The following GBF1 variants were observed in gnomAD, a reference collection of about 807,000 sequenced individuals.
The protein encoded by GBF1 is golgi brefeldin A resistant guanine nucleotide exchange factor 1, also known as Golgi-specific brefeldin A-resistance guanine nucleotide exchange factor 1.
A neutral mutation model predicts 210.5 loss-of-function variants in GBF1; 114 were observed. The ratio of observed to expected loss-of-function variants is 0.54; its 90% CI spans 0.47 to 0.63. GBF1 has a LOEUF of 0.63. Among genes scored for constraint, GBF1 ranks in the 30% least tolerant of loss-of-function variants. GBF1 has a pLI of 0.00. For synonymous variants in GBF1, 850 were observed against 889.2 expected (o/e 0.96, Z 0.78); for missense variants, 1,851 against 2,357.7 (o/e 0.79, Z 4.45).
intron 3 of GBF1, among the ~76,000 whole-genome samples, chr10:102,269,960 G>A (rs1040100904): frequency 1.3e-5 from 2 of 151,260 alleles, no homozygotes; most frequent in Non-Finnish European, 2.9e-5. Flanking sequence ...CTCACTGCCA[G>A]CTCTGCCTTC....
At chr10:102,349,171 A>T (rs2134716760) in intron 4 of GBF1, among the ~76,000 whole-genome samples, 1 of 152,180 alleles carries the variant, frequency 6.6e-6, no homozygotes. Flanking sequence ...AAAAGAAAAA[A>T]AAAAGTTTAG....
chr10:102,245,363 C>A (rs888210460), upstream of GBF1, among the ~76,000 whole-genome samples: 11 of 152,206 alleles, frequency 7.2e-5, no homozygotes, highest in Non-Finnish European at 1.5e-4. Context: ...CCCTAACATA[C>A]CCTTTCTTTC....
upstream of GBF1, among the ~76,000 whole-genome samples, chr10:102,243,872 G>A (rs987939102): frequency 3.3e-5 from 5 of 152,162 alleles, no homozygotes; most frequent in African/African-American, 1.2e-4. Flanking sequence ...GCTCACACCT[G>A]TAATCTCAAC....
intron 3 of GBF1, among the ~76,000 whole-genome samples, chr10:102,331,969 T>C (rs1589666083): frequency 6.6e-6 from 1 of 151,434 alleles, no homozygotes; most frequent in Non-Finnish European, 1.5e-5. Flanking sequence ...AAGCGATTCT[T>C]CTGCCTCAGC....
At chr10:102,309,026 A>T (rs1486221367) in intron 3 of GBF1, among the ~76,000 whole-genome samples, 1 of 152,216 alleles carries the variant, frequency 6.6e-6, no homozygotes, top group Non-Finnish European at 1.5e-5. Flanking sequence ...AGAAGTCATG[A>T]TTGGGATTTC....
At position 102,366,476 on chromosome 10, in the gene GBF1, G is replaced by C; in HGVS notation, c.2403G>C (p.Arg801Ser). 2.5e-6 allele frequency: 4 copies of C among 1,614,034 alleles called. No individual in the cohort carries two copies. The change falls in exon 19 of 40, where the codon AGG becomes AGC. Residue 801 changes from arginine (R) to serine (S), a missense_variant. Physicochemically the swap from Arg to Ser is moderately radical, Grantham distance 110. Coordinates refer to ENST00000369983, the MANE Select transcript of GBF1 (RefSeq NM_001377137.1). This position sits in a 1 kb window ranked among gnomAD's most constrained non-coding sequence, Gnocchi z 4.0. ...CTGGGGAAGCACCAGTCATCCAGAG[G>C]TTGCTGGAGGCATTCACAGAGCGTT... ...RLPGEAPVIQ[R>S]LLEAFTERWM...
chr10:102,380,614 A>ATCACCTGGGAACGCATTGACTGTTT lies in GBF1; in HGVS notation c.5104_5128dup (p.Leu1710HisfsTer6). 6.2e-7 allele frequency: 1 copy of ATCACCTGGGAACGCATTGACTGTTT among 1,614,044 alleles called. No individual in the cohort carries two copies. Among genetic ancestry groups the ATCACCTGGGAACGCATTGACTGTTT allele is most frequent in the Non-Finnish European group, 8.5e-7 (1 of 1,179,976 alleles). On this transcript the variant is annotated frameshift_variant, in exon 38 of 40. Transcript: ENST00000369983. LOFTEE classifies it high-confidence loss of function. ...AGGCGGCCCCTCGGCCCTCTGGGAG[A>ATCACCTGGGAACGCATTGACTGTTT]TCACCTGGGAACGCATTGACTGTTT...
intron 32 of GBF1, 32 bp from the exon 33 acceptor site, chr10:102,376,903 C>A (rs367736277): frequency 1.2e-6 from 2 of 1,609,768 alleles, no homozygotes; most frequent in Non-Finnish European, 1.7e-6. Context: ...TATATAGACA[C>A]AGAAATGTGA....
intron 3 of GBF1, among the ~76,000 whole-genome samples, chr10:102,339,657 C>G (rs928271150): frequency 2.0e-5 from 3 of 151,282 alleles, no homozygotes; most frequent in Non-Finnish European, 4.4e-5. Context: ...CAGAGCAAGA[C>G]TCCGTCTCAA....
intron 3 of GBF1, among the ~76,000 whole-genome samples, chr10:102,332,248 A>G (rs2057389598): frequency 6.6e-6 from 1 of 152,196 alleles, no homozygotes; most frequent in South Asian, 2.1e-4. Context: ...TATTTAGGGA[A>G]TAATGACAAG....
At chr10:102,336,308 A>G (rs955782442) in intron 3 of GBF1, among the ~76,000 whole-genome samples, 1 of 146,740 alleles carries the variant, frequency 6.8e-6, no homozygotes, top group Non-Finnish European at 1.5e-5. Flanking sequence ...TCAAAAAAAA[A>G]AAAAAAGAAA....
rs1450520107 is a variant in GBF1, at chr10:102,260,037, A to C, written c.97-13A>C. The C allele has an allele frequency of 2.0e-6, 3 of 1,513,758 alleles. No individual in the cohort carries two copies. Among genetic ancestry groups the C allele is most frequent in the Non-Finnish European group, 1.8e-6 (2 of 1,090,798 alleles). The allele number at this position is 1,513,758 out of a possible 1,614,324, so 93.8% of individuals were successfully genotyped here. A position where few individuals can be genotyped will look rare whatever the true frequency, so the allele number is the denominator to read the frequency against. ...GCCCAATAATGACTTACTTTAATCT[A>C]TGTGTTCTACAGGATGAAGAACGGG... On this transcript the variant is annotated splice_polypyrimidine_tract_variant and intron_variant, in intron 2 of 39. Coordinates refer to ENST00000369983, the MANE Select transcript of GBF1 (RefSeq NM_001377137.1).
intron 1 of GBF1, among the ~76,000 whole-genome samples, chr10:102,252,950 A>C (rs1167583149): frequency 6.6e-6 from 1 of 152,006 alleles, no homozygotes; most frequent in Non-Finnish European, 1.5e-5. Context: ...GCTGGAGACC[A>C]GTGATGCAAT....
At chr10:102,266,658 G>A (rs767125484) in intron 3 of GBF1, among the ~76,000 whole-genome samples, 1 of 152,160 alleles carries the variant, frequency 6.6e-6, no homozygotes, top group Non-Finnish European at 1.5e-5. Flanking sequence ...ACAAGCCAAA[G>A]AAATAAGTAA....
At chr10:102,370,997 G>T in intron 29 of GBF1, 137 bp downstream of exon 29, 1 of 835,902 alleles carries the variant, frequency 1.2e-6, no homozygotes, top group Non-Finnish European at 1.9e-6. Context: ...CACAGGGCTG[G>T]TGCAGTCTAG....
At chr10:102,342,393 A>G (rs963204178) in intron 3 of GBF1, among the ~76,000 whole-genome samples, 2 of 151,430 alleles carry the variant, frequency 1.3e-5, no homozygotes, top group African/African-American at 4.9e-5. Flanking sequence ...ACACACGCAC[A>G]CACACACACA....
chr10:102,337,586 T>A (rs2057853993), intron 3 of GBF1, among the ~76,000 whole-genome samples: 2 of 152,110 alleles, frequency 1.3e-5, no homozygotes, highest in African/African-American at 4.8e-5. Flanking sequence ...ACGTGGAGAC[T>A]CACGCCTGTA....
intron 3 of GBF1, among the ~76,000 whole-genome samples, chr10:102,276,679 C>T (rs932601049): frequency 2.0e-5 from 3 of 151,906 alleles, no homozygotes; most frequent in Non-Finnish European, 2.9e-5. Context: ...GCTCAATAGT[C>T]AACAAAATGG....
At position 102,344,171 on chromosome 10, in the gene GBF1, A is replaced by G. The variant is rs781367144; in HGVS notation, c.284A>G (p.Tyr95Cys). Residue 95 changes from tyrosine (Y) to cysteine (C), a missense_variant, in exon 4 of 40, where the codon TAT (tyrosine) becomes TGT (cysteine). Tyr to Cys is a radical substitution (Grantham distance 194). This residue lies in a region of GBF1 where 804 missense variants were observed against 958.6 expected (regional missense o/e 0.84). Coordinates refer to ENST00000369983, the MANE Select transcript of GBF1 (RefSeq NM_001377137.1). ...ALTSVNKFLS[Y>C]ALIDPTHEGT... is the part of the protein sequence containing the mutation. The stretch of plus-strand genomic sequence containing the variant: ...ACCTCTGTCAACAAGTTCCTGTCCT[A>G]TGCACTCATAGGTAAGAGCTCAGGC... The G allele has an allele frequency of 1.1e-5, 17 of 1,613,850 alleles. No homozygotes were observed. Among genetic ancestry groups the G allele is most frequent in the East Asian group, 2.2e-5 (1 of 44,892 alleles).
Sources: gnomAD v4.1 joint callset for allele counts (sites outside exome capture counted in the v4.1 genomes callset) on GRCh38, gnomAD v4.1.1 for gene constraint, gnomAD v4.1.1 regional missense constraint, Gnocchi (gnomAD v3.1) non-coding constraint, MANE v1.5 for transcripts, NCBI Gene and HGNC (gene_info 2026-07-23, HGNC 2026-07-21) for gene names.